Variants in ASTN1 observed in about 807,000 individuals in gnomAD.
The protein encoded by ASTN1 is astrotactin 1.
Under a neutral mutation model 140.7 loss-of-function variants are expected in ASTN1, and 41 were observed. That is an observed-to-expected ratio of 0.29 (90% CI 0.23 to 0.38). The LOEUF (loss-of-function observed/expected upper bound fraction) is 0.38. Among genes scored for constraint, ASTN1 ranks in the 10% least tolerant of loss-of-function variants. The probability of loss-of-function intolerance (pLI) is 1.00; values close to 1 mark genes in which losing one functional copy is unlikely to be tolerated. For synonymous variants in ASTN1, 640 were observed against 652.2 expected (o/e 0.98, Z 0.29); for missense variants, 1,479 against 1,678.8 (o/e 0.88, Z 2.08).
At position 177,030,844 on chromosome 1, in the gene ASTN1, G is replaced by C; in HGVS notation, c.974C>G (p.Ser325Cys). 4 of 1,614,180 alleles carry C rather than the reference G, an allele frequency of 2.5e-6. No homozygotes were observed. Among genetic ancestry groups the C allele is most frequent in the Non-Finnish European group, 2.5e-6 (3 of 1,180,032 alleles). ...GTTGATCCGCTTTCTCTGGCTGCTG[G>C]AGGTGTGAGAGAGAAGGGTGGCTTG... ...HQQATLLSHT[S>C]SSQRKRINNK... The change falls in exon 4 of 23, where the codon TCC becomes TGC. Residue 325 changes from serine to cysteine, a missense_variant. By Grantham distance (112) the Ser-to-Cys change is moderately radical. Transcript: ENST00000361833.
At chr1:176,891,182 A>G (rs1557938593) in intron 17 of ASTN1, among the ~76,000 whole-genome samples, 1 of 152,238 alleles carries the variant, frequency 6.6e-6, no homozygotes, top group Admixed American at 6.5e-5. Context: ...TTGTCTGAGT[A>G]TCTACAATGT....
intron 13 of ASTN1, among the ~76,000 whole-genome samples, chr1:176,944,442 G>T (rs1423572953): frequency 6.6e-6 from 1 of 152,052 alleles, no homozygotes; most frequent in Non-Finnish European, 1.5e-5. Context: ...TGTATTTTTT[G>T]TAGAGATGGG....
chr1:176,868,723 C>A (rs1668222998), intron 22 of ASTN1, 121 bp downstream of exon 22: 3 of 1,093,388 alleles, frequency 2.7e-6, no homozygotes, highest in Non-Finnish European at 3.8e-6. Context: ...AGAGGACTGA[C>A]TTCTCTGATT....
chr1:176,991,271 G>A (rs1294010592), intron 8 of ASTN1, among the ~76,000 whole-genome samples: 1 of 151,954 alleles, frequency 6.6e-6, no homozygotes, highest in South Asian at 2.1e-4. Context: ...AAAGTAGCCT[G>A]GCATGGTGGC....
At chr1:177,010,832 T>C (rs1675254104) in intron 8 of ASTN1, among the ~76,000 whole-genome samples, 1 of 152,224 alleles carries the variant, frequency 6.6e-6, no homozygotes, top group Admixed American at 6.5e-5. Context: ...TAGGAATATG[T>C]TTTACTGAGA....
chr1:176,999,310 C>T (rs1674607638), intron 8 of ASTN1, among the ~76,000 whole-genome samples: 1 of 152,148 alleles, frequency 6.6e-6, no homozygotes, highest in African/African-American at 2.4e-5. Context: ...GACAAAATCC[C>T]AAGCTAGGGC....
chr1:176,935,492 G>C (rs749585289), intron 15 of ASTN1, among the ~76,000 whole-genome samples: 1 of 152,152 alleles, frequency 6.6e-6, no homozygotes, highest in Non-Finnish European at 1.5e-5. Flanking sequence ...TGTTAAAAAA[G>C]AAAAAGTTCT....
chr1:176,945,305 T>C (rs190706968), intron 13 of ASTN1, among the ~76,000 whole-genome samples: 1 of 152,308 alleles, frequency 6.6e-6, no homozygotes, highest in East Asian at 1.9e-4. Context: ...GAAGTTAAAA[T>C]AGAAATTTTA....
downstream of ASTN1, among the ~76,000 whole-genome samples, chr1:176,858,501 G>A (rs989985230): frequency 6.6e-6 from 1 of 152,146 alleles, no homozygotes; most frequent in African/African-American, 2.4e-5. Context: ...TACCATGGAT[G>A]CATGCAGAAA....
At chr1:177,123,123 A>G (rs1297522220) in intron 1 of ASTN1, among the ~76,000 whole-genome samples, 1 of 152,164 alleles carries the variant, frequency 6.6e-6, no homozygotes, top group Non-Finnish European at 1.5e-5. Flanking sequence ...TCAGGGGTGC[A>G]GAAACACATT....
intron 2 of ASTN1, among the ~76,000 whole-genome samples, chr1:177,054,005 A>G (rs988758499): frequency 6.6e-6 from 1 of 152,228 alleles, no homozygotes; most frequent in Non-Finnish European, 1.5e-5. Flanking sequence ...GATGAATCTC[A>G]GCAGTCAAAA....
chr1:176,863,834 T>G lies in ASTN1; in HGVS notation c.*450A>C. On this transcript the variant is annotated 3_prime_UTR_variant, in exon 23 of 23. Coordinates refer to ENST00000361833, the MANE Select transcript of ASTN1 (RefSeq NM_004319.3). Reference sequence around the variant, plus strand: ...GAGTGAGACGCTTCCTGAGGAATGCTTGAGGGTGGGGCCTGCGGCAGGCCT... The same window carrying G: ...GAGTGAGACGCTTCCTGAGGAATGCGTGAGGGTGGGGCCTGCGGCAGGCCT... 1 of 996,894 alleles carries G rather than the reference T, an allele frequency of 1.0e-6. No homozygotes were observed. The highest frequency in any genetic ancestry group is 1.2e-6 in the Non-Finnish European group (1 of 836,030). 61.8% of individuals were successfully genotyped at this position (996,894 alleles called of 1,614,324 possible). A position where few individuals can be genotyped will look rare whatever the true frequency, so the allele number is the denominator to read the frequency against.
chr1:177,103,569 A>G (rs1231609278), intron 1 of ASTN1, among the ~76,000 whole-genome samples: 1 of 152,198 alleles, frequency 6.6e-6, no homozygotes, highest in African/African-American at 2.4e-5. Context: ...AAGGAACAGC[A>G]GATACTCAAT....
intron 2 of ASTN1, among the ~76,000 whole-genome samples, chr1:177,040,852 G>C (rs1210258533): frequency 6.6e-6 from 1 of 152,198 alleles, no homozygotes; most frequent in African/African-American, 2.4e-5. Flanking sequence ...AGGGACAGTG[G>C]TTGGAGGCTA....
chr1:176,893,168 A>G (rs1017728718), intron 17 of ASTN1, among the ~76,000 whole-genome samples: 11 of 152,148 alleles, frequency 7.2e-5, no homozygotes, highest in Non-Finnish European at 1.3e-4. Flanking sequence ...GGAGCTCTGC[A>G]CGCCCTGTTG....
intron 1 of ASTN1, among the ~76,000 whole-genome samples, chr1:177,107,256 A>T (rs1680592970): frequency 6.6e-6 from 1 of 152,208 alleles, no homozygotes; most frequent in Non-Finnish European, 1.5e-5. Context: ...GCTCAGGTTA[A>T]GACTGGCAGG....
At chr1:176,996,525 T>C (rs1350859070) in intron 8 of ASTN1, among the ~76,000 whole-genome samples, 1 of 152,102 alleles carries the variant, frequency 6.6e-6, no homozygotes, top group Non-Finnish European at 1.5e-5. Flanking sequence ...ATTGCTAAAT[T>C]GGTTGAAGAC....
intron 2 of ASTN1, among the ~76,000 whole-genome samples, chr1:177,040,739 G>C (rs1005794619): frequency 8.5e-5 from 13 of 152,158 alleles, no homozygotes; most frequent in Admixed American, 2.0e-4. Context: ...AAAGTTTTAA[G>C]ACCATTAGGT....
chr1:177,064,416 C>G (rs1678247925), intron 1 of ASTN1, among the ~76,000 whole-genome samples: 1 of 152,184 alleles, frequency 6.6e-6, no homozygotes. Context: ...CCAGAACACT[C>G]CATCAGCTCA....
Sources: allele counts gnomAD v4.1 joint callset (sites outside exome capture counted in the v4.1 genomes callset), GRCh38; gene constraint gnomAD v4.1.1; transcripts MANE v1.5; gene names NCBI Gene and HGNC (gene_info 2026-07-23, HGNC 2026-07-21).